Variants in RBM5 observed in about 807,000 individuals in gnomAD.
RBM5 encodes the protein RNA binding motif protein 5.
In RBM5, 15 loss-of-function variants were observed where a neutral mutation model predicts 124.6. The observed-to-expected ratio is 0.12, with a 90% CI of 0.08 to 0.19. The LOEUF (loss-of-function observed/expected upper bound fraction) is 0.19, where lower values mean the gene tolerates loss of function less well. Among genes scored for constraint, RBM5 ranks in the 10% least tolerant of loss-of-function variants. RBM5 has a pLI of 1.00. For missense variants in RBM5, 580 were observed against 1,026.5 expected (o/e 0.57, Z 5.94); for synonymous variants, 337 against 361.2 (o/e 0.93, Z 0.76).
At chr3:50,104,659 A>G (rs1244073389) in intron 8 of RBM5, 1 of 267,234 alleles carries the variant, frequency 3.7e-6, no homozygotes, top group Non-Finnish European at 7.1e-6. Flanking sequence ...AAACAAAACA[A>G]AAATCTGACA....
intron 22 of RBM5, 158 bp downstream of exon 22, chr3:50,116,138 C>CT: frequency 1.5e-6 from 1 of 662,966 alleles, no homozygotes; most frequent in East Asian, 2.8e-5. Flanking sequence ...GACCCAGCCT[C>CT]TGTGTGCCTT....
chr3:50,098,659 G>T (rs1324987515), intron 4 of RBM5, among the ~76,000 whole-genome samples: 2 of 151,996 alleles, frequency 1.3e-5, no homozygotes, highest in Admixed American at 1.3e-4. Flanking sequence ...AGCCAGGATG[G>T]TCTCCATCTC....
Position 50,113,511 on chromosome 3 carries a change from G to A in RBM5, c.1584G>A (p.Lys528=). 1 of 1,614,066 alleles carries A rather than the reference G, an allele frequency of 6.2e-7. No homozygotes were observed. Among genetic ancestry groups the A allele is most frequent in the Non-Finnish European group, 8.5e-7 (1 of 1,180,000 alleles). ...GLPPAKEGKE[K]KEKPKSKTAQ... is the part of the protein sequence containing the mutation. ...CTCCTGCAAAAGAGGGGAAAGAGAAGAAGGAGAAACCCAAGAGCAAAACAG... is the reference window on the plus strand; with the variant it reads ...CTCCTGCAAAAGAGGGGAAAGAGAAAAAGGAGAAACCCAAGAGCAAAACAG... The change falls in exon 18 of 25, where the codon AAG becomes AAA. Residue 528 remains lysine (K), a synonymous_variant. Transcript: ENST00000347869.
chr3:50,094,055 G>T, intron 4 of RBM5, 180 bp downstream of exon 4: 5 of 541,638 alleles, frequency 9.2e-6, no homozygotes, highest in Non-Finnish European at 1.3e-5. Context: ...ATTTACATAA[G>T]TTTAAACATT....
chr3:50,111,517 G>A (rs887585670), intron 17 of RBM5, among the ~76,000 whole-genome samples: 4 of 151,918 alleles, frequency 2.6e-5, no homozygotes, highest in African/African-American at 7.3e-5. Flanking sequence ...GCTGGTAGCT[G>A]GGATTACAGG....
At chr3:50,106,698 A>AATGG in intron 10 of RBM5, 69 bp from the exon 11 acceptor site, 1 of 1,104,346 alleles carries the variant, frequency 9.1e-7, no homozygotes, top group Non-Finnish European at 1.4e-6. Flanking sequence ...TACTTCTTTG[A>AATGG]ATGGGGTGGA....
intron 16 of RBM5, 59 bp downstream of exon 16, chr3:50,110,522 T>G: frequency 6.5e-7 from 1 of 1,538,350 alleles, no homozygotes. Context: ...TGTCTTTGTT[T>G]AATGAGAGTT....
chr3:50,108,638 C>T (rs1366091121), intron 14 of RBM5, among the ~76,000 whole-genome samples: 1 of 151,898 alleles, frequency 6.6e-6, no homozygotes, highest in African/African-American at 2.4e-5. Context: ...ACCCGAGCGG[C>T]AGAGATTGCA....
rs770635902 is a variant in RBM5, at chr3:50,108,191, G to A, written c.1120-41G>A. 3.1e-6 allele frequency: 5 copies of A among 1,602,060 alleles called. No individual in the cohort carries two copies. In the South Asian group the frequency reaches 5.5e-5, roughly 18 times the overall value. On this transcript the variant is annotated intron_variant, in intron 13 of 24. Transcript: ENST00000347869. ...CATCCACCTTATAGTCTTGCAGAGT[G>A]TGTCTGAGAATAGCAGCTTTAATGG...
rs1209536743 is a variant in RBM5 at position 50,104,993 on chromosome 3, T to TA, written c.629-79dup. The TA allele has an allele frequency of 6.4e-6, 7 of 1,094,980 alleles. No individual in the cohort carries two copies. In the African/African-American group the frequency reaches 1.1e-4, roughly 17 times the overall value. 67.8% of individuals were successfully genotyped at this position (1,094,980 alleles called of 1,614,324 possible). A position where few individuals can be genotyped will look rare whatever the true frequency, so the allele number is the denominator to read the frequency against. ...AAACGATTGTTTTGTGTGGTTAAAA[T>TA]AAAAACTTGTGGGGATTTTAATGTA... On this transcript the variant is annotated intron_variant, in intron 8 of 24. Coordinates refer to ENST00000347869, the MANE Select transcript of RBM5 (RefSeq NM_005778.4).
chr3:50,115,361 C>G, intron 20 of RBM5, 67 bp from the exon 21 acceptor site: 1 of 1,540,804 alleles, frequency 6.5e-7, no homozygotes, highest in Non-Finnish European at 8.8e-7. Context: ...TTACTTTATC[C>G]AGGTACATAG....
At chr3:50,102,075 G>A (rs930882820) in intron 6 of RBM5, 1 of 152,250 alleles carries the variant, frequency 6.6e-6, no homozygotes, top group East Asian at 1.9e-4. Context: ...TCAACAGTAT[G>A]TATGTTTAGA....
At position 50,092,133 on chromosome 3, in the gene RBM5, C is replaced by T; in HGVS notation, c.108C>T (p.Asp36=). 1 of 1,613,946 alleles carries T rather than the reference C, an allele frequency of 6.2e-7. No individual in the cohort carries two copies. Among genetic ancestry groups the T allele is most frequent in the Non-Finnish European group, 8.5e-7 (1 of 1,179,970 alleles). Residue 36 remains aspartate (D), a synonymous_variant, in exon 3 of 25, where the codon GAC becomes GAT. Transcript: ENST00000347869. ...GTGAATCCCGAAGCAGGCGGAGGGACTCAGATTACAAAAGATCTAGTGATG... is the reference window on the plus strand; with the variant it reads ...GTGAATCCCGAAGCAGGCGGAGGGATTCAGATTACAAAAGATCTAGTGATG... The part of the protein sequence containing the change: ...DERESRSRRR[D]SDYKRSSDDR...
intron 11 of RBM5, among the ~76,000 whole-genome samples, chr3:50,107,250 T>A (rs886807029): frequency 6.6e-6 from 1 of 152,226 alleles, no homozygotes; most frequent in Non-Finnish European, 1.5e-5. Context: ...TTAGTATCAT[T>A]GCACATTCAA....
intron 6 of RBM5, chr3:50,102,868 C>T (rs1201119290): frequency 2.5e-5 from 13 of 526,796 alleles, no homozygotes; most frequent in Non-Finnish European, 4.4e-5. Flanking sequence ...GCTTTCTCAG[C>T]ACTCCCTGAC....
At chr3:50,111,524 C>T (rs1260031960) in intron 17 of RBM5, among the ~76,000 whole-genome samples, 1 of 152,060 alleles carries the variant, frequency 6.6e-6, no homozygotes, top group Non-Finnish European at 1.5e-5. Flanking sequence ...GCTGGGATTA[C>T]AGGCGCCCAC....
intron 2 of RBM5, 61 bp from the exon 3 acceptor site, chr3:50,091,982 T>C: frequency 1.3e-6 from 2 of 1,542,066 alleles, no homozygotes; most frequent in African/African-American, 2.7e-5. Flanking sequence ...TATTTTTAAC[T>C]ATGTCTTTTA....
At position 50,108,294 on chromosome 3, in the gene RBM5, A is replaced by G. The variant is rs376849156; in HGVS notation, c.1182A>G (p.Ser394=). 74 of 1,607,414 alleles carry G rather than the reference A, an allele frequency of 4.6e-5. No homozygotes were observed. The highest frequency in any genetic ancestry group is 5.6e-5 in the Non-Finnish European group (66 of 1,173,948). The change falls in exon 14 of 25, where the codon TCA becomes TCG. Residue 394 remains serine (S), a synonymous_variant. Transcript: ENST00000347869. ...CTGGAGGATTGGAATCTGATGCATCATCTGCATCAGGTAGTAAACTTCATC... is the reference window on the plus strand; with the variant it reads ...CTGGAGGATTGGAATCTGATGCATCGTCTGCATCAGGTAGTAAACTTCATC... ...QQAGGLESDA[S]SASGTAVTTT...
chr3:50,102,814 G>A (rs574202317), intron 6 of RBM5: 6 of 414,216 alleles, frequency 1.4e-5, no homozygotes, highest in East Asian at 5.3e-5. Context: ...TTCTGTCTCC[G>A]CTGGAGACAC....
Sources: allele counts gnomAD v4.1 joint callset (sites outside exome capture counted in the v4.1 genomes callset), GRCh38; gene constraint gnomAD v4.1.1; transcripts MANE v1.5; gene names NCBI Gene and HGNC (gene_info 2026-07-23, HGNC 2026-07-21).